Variants in PCDH15 observed in about 807,000 individuals in gnomAD.
The protein encoded by PCDH15 is protocadherin related 15, also known as protocadherin-15.
PCDH15 carries 129 observed loss-of-function variants against 178.5 expected under a neutral mutation model. The observed-to-expected ratio is 0.72, with a 90% confidence interval of 0.63 to 0.84. The LOEUF (loss-of-function observed/expected upper bound fraction) is 0.84. Among genes scored for constraint, PCDH15 ranks in the 40% least tolerant of loss-of-function variants. PCDH15 has a pLI of 0.00. For missense variants in PCDH15, 2,230 were observed against 2,099.9 expected, an observed-to-expected ratio of 1.06 and a Z score of -1.21; for synonymous variants, 800 against 732.0, an observed-to-expected ratio of 1.09 and a Z score of -1.50.
intron 2 of PCDH15, among the ~76,000 whole-genome samples, chr10:55,453,618 T>C (rs369624780): frequency 3.1e-4 from 47 of 152,184 alleles, no homozygotes; most frequent in African/African-American, 9.9e-4. Flanking sequence ...CTAGATTCTA[T>C]GTTTACTTCT....
rs971088747 is a variant in PCDH15 at position 54,169,163 on chromosome 10, C to A, written c.1590+14281G>T. ...CACCTGGCAGCCACTCCCAGAGCCCCTGGAACTCTGGCCCAAGGCTGACTG... is the reference window on the plus strand; with the variant it reads ...CACCTGGCAGCCACTCCCAGAGCCCATGGAACTCTGGCCCAAGGCTGACTG... On this transcript the variant is annotated intron_variant, in intron 13 of 37. Transcript: ENST00000644397. Among the ~76,000 whole-genome samples, 7 of 147,900 alleles carry A rather than the reference C, an allele frequency of 4.7e-5. No individual in the cohort carries two copies. In the East Asian group the frequency reaches 5.8e-4, roughly 12 times the overall value.
At chr10:54,148,413 C>G (rs778201260) in intron 14 of PCDH15, among the ~76,000 whole-genome samples, 1 of 151,900 alleles carries the variant, frequency 6.6e-6, no homozygotes, top group Non-Finnish European at 1.5e-5. Flanking sequence ...TAAATCATCT[C>G]GAGATTACTT....
chr10:55,217,720 G>A (rs1159896856), intron 1 of PCDH15, among the ~76,000 whole-genome samples: 1 of 151,466 alleles, frequency 6.6e-6, no homozygotes, highest in African/African-American at 2.4e-5. Flanking sequence ...TCTGTTAAAT[G>A]ACACAAAAGA....
chr10:54,497,400 T>A (rs1159561301), intron 3 of PCDH15, among the ~76,000 whole-genome samples: 1 of 152,194 alleles, frequency 6.6e-6, no homozygotes, highest in Admixed American at 6.6e-5. Flanking sequence ...AGTGTCTTTT[T>A]ACTTCTAAAT....
At chr10:53,880,335 C>T (rs755159681) in intron 26 of PCDH15, among the ~76,000 whole-genome samples, 99 of 152,214 alleles carry the variant, frequency 6.5e-4, no homozygotes, top group Non-Finnish European at 1.0e-3. Context: ...AGAGATAAAA[C>T]AATTTAATAT....
At chr10:54,690,592 C>G (rs1267489437) in intron 1 of PCDH15, among the ~76,000 whole-genome samples, 2 of 152,066 alleles carry the variant, frequency 1.3e-5, no homozygotes, top group Non-Finnish European at 2.9e-5. Flanking sequence ...GGATTACAGG[C>G]ATGAGCCACC....
intron 2 of PCDH15, among the ~76,000 whole-genome samples, chr10:55,357,189 T>A (rs1252523067): frequency 6.6e-6 from 1 of 151,936 alleles, no homozygotes; most frequent in East Asian, 1.9e-4. Flanking sequence ...AAAATGAAAT[T>A]ATATTGAAAA....
At chr10:55,582,769 T>C (rs545887523) in intron 2 of PCDH15, among the ~76,000 whole-genome samples, 80 of 151,474 alleles carry the variant, frequency 5.3e-4, no homozygotes, top group Non-Finnish European at 9.6e-4. Context: ...ATTAAATCCA[T>C]AGGCAGCAGT....
intron 2 of PCDH15, among the ~76,000 whole-genome samples, chr10:54,954,910 T>C (rs957549380): frequency 1.3e-4 from 19 of 151,270 alleles, no homozygotes; most frequent in African/African-American, 4.4e-4. Context: ...AAAGAAGGAA[T>C]ATATGTGCCT....
intron 3 of PCDH15, among the ~76,000 whole-genome samples, chr10:54,426,675 T>C (rs770089358): frequency 2.4e-4 from 36 of 152,272 alleles, no homozygotes; most frequent in Middle Eastern, 3.4e-3. Flanking sequence ...TTTTTTTAAA[T>C]TGAATTTGAA....
At chr10:55,305,908 CATT>C (rs1843410984) in intron 1 of PCDH15, among the ~76,000 whole-genome samples, 1 of 152,232 alleles carries the variant, frequency 6.6e-6, no homozygotes, top group African/African-American at 2.4e-5. Flanking sequence ...AATGACAAAA[CATT>C]ATTACTATTC....
At chr10:54,181,769 T>C (rs1048959940) in intron 13 of PCDH15, among the ~76,000 whole-genome samples, 1 of 152,190 alleles carries the variant, frequency 6.6e-6, no homozygotes, top group Non-Finnish European at 1.5e-5. Context: ...TGAAACGTTT[T>C]TTCTCTCTTT....
intron 28 of PCDH15, among the ~76,000 whole-genome samples, chr10:53,841,183 A>G (rs1239079736): frequency 6.6e-6 from 1 of 152,210 alleles, no homozygotes; most frequent in African/African-American, 2.4e-5. Context: ...TTTAATTGAA[A>G]GTATGAATTA....
chr10:54,222,934 C>T (rs2134211065), intron 9 of PCDH15, among the ~76,000 whole-genome samples: 1 of 152,244 alleles, frequency 6.6e-6, no homozygotes, highest in East Asian at 1.9e-4. Context: ...TTGTCAGTGC[C>T]TTTTGAAAAG....
At chr10:54,669,284 A>G (rs2094619823) in intron 1 of PCDH15, among the ~76,000 whole-genome samples, 1 of 151,842 alleles carries the variant, frequency 6.6e-6, no homozygotes, top group Non-Finnish European at 1.5e-5. Flanking sequence ...AATTTCAGAG[A>G]GCCTTTCAGA....
intron 2 of PCDH15, among the ~76,000 whole-genome samples, chr10:54,642,126 G>A (rs1033391244): frequency 6.6e-6 from 1 of 151,958 alleles, no homozygotes; most frequent in African/African-American, 2.4e-5. Context: ...TGAGACCACA[G>A]CCCTTATGAG....
At chr10:53,959,200 A>ATATATATAAATTTATGTATACACACAG (rs2087992783) in intron 23 of PCDH15, among the ~76,000 whole-genome samples, 2 of 149,106 alleles carry the variant, frequency 1.3e-5, no homozygotes, top group African/African-American at 4.9e-5. Context: ...TACACACAGT[A>ATATATATAAATTTATGTATACACACAG]TATATATAAA....
chr10:54,618,722 A>G (rs953450311), intron 2 of PCDH15, among the ~76,000 whole-genome samples: 2 of 152,106 alleles, frequency 1.3e-5, no homozygotes, highest in African/African-American at 4.8e-5. Context: ...AGTTTGCTAC[A>G]TGTTATATAT....
rs569491082 is a variant in PCDH15 at position 54,071,387 on chromosome 10, T to C, written c.2092-4502A>G. ...GAACACTTTTAAGGGCAGTGTGTAA[T>C]ACTACGAATTTAATAAGCAATTTTG... On this transcript the variant is annotated intron_variant, in intron 17 of 37. Transcript: ENST00000644397. Among the ~76,000 whole-genome samples the C allele has an allele frequency of 3.9e-5, 6 of 152,302 alleles. No homozygotes were observed. In the East Asian group the frequency reaches 9.6e-4, roughly 24 times the overall value.
Sources: allele counts gnomAD v4.1 joint callset (sites outside exome capture counted in the v4.1 genomes callset), GRCh38; gene constraint gnomAD v4.1.1; transcripts MANE v1.5; gene names NCBI Gene and HGNC (gene_info 2026-07-23, HGNC 2026-07-21).